TRIM24: variants seen among roughly 807,000 people sequenced by gnomAD.
The protein encoded by TRIM24 is tripartite motif containing 24.
Under a neutral mutation model 123.9 loss-of-function variants are expected in TRIM24, and 29 were observed. The observed-to-expected ratio is 0.23, with a 90% CI of 0.17 to 0.32. The LOEUF is 0.32. Ranked by LOEUF, TRIM24 falls within the 10% of genes least tolerant of loss-of-function variation. The probability of loss-of-function intolerance (pLI) is 1.00; values close to 1 mark genes in which losing one functional copy is unlikely to be tolerated. For synonymous variants in TRIM24, 456 were observed against 461.1 expected (o/e 0.99, Z 0.14); for missense variants, 932 against 1,295.3 (o/e 0.72, Z 4.31).
intron 1 of TRIM24, among the ~76,000 whole-genome samples, chr7:138,483,963 T>A (rs1326047072): frequency 1.1e-4 from 17 of 152,128 alleles, no homozygotes; most frequent in Admixed American, 1.1e-3. Context: ...GAACTTGTGG[T>A]TAGGCTGTTC....
chr7:138,494,890 G>A (rs1795868852), intron 1 of TRIM24, among the ~76,000 whole-genome samples: 1 of 152,042 alleles, frequency 6.6e-6, no homozygotes, highest in Non-Finnish European at 1.5e-5. Context: ...TATTCATTGA[G>A]TCATCATTGT....
At chr7:138,517,518 C>G (rs1435114193) in intron 3 of TRIM24, among the ~76,000 whole-genome samples, 1 of 151,962 alleles carries the variant, frequency 6.6e-6, no homozygotes, top group East Asian at 1.9e-4. Context: ...TTATGTAATC[C>G]CTGTACCACC....
chr7:138,540,831 A>G (rs993242102), intron 7 of TRIM24, among the ~76,000 whole-genome samples: 4 of 152,088 alleles, frequency 2.6e-5, no homozygotes, highest in African/African-American at 9.7e-5. Flanking sequence ...TACTAGCCTT[A>G]TGTAACGTAT....
At chr7:138,581,619 T>C (rs371596803) in intron 16 of TRIM24, 78 bp from the exon 17 acceptor site, 13 of 1,279,790 alleles carry the variant, frequency 1.0e-5, no homozygotes, top group East Asian at 9.7e-5. Context: ...TTGGGACCTC[T>C]GAGATTGTTA....
Position 138,577,565 on chromosome 7 carries a change from G to A in TRIM24, c.2233G>A (p.Asp745Asn). Residue 745 changes from aspartate (D) to asparagine (N), a missense_variant, in exon 14 of 19, where the codon GAT (aspartate) becomes AAT (asparagine). Asp to Asn is a conservative substitution (Grantham distance 23). This residue lies in a region of TRIM24 where 527 missense variants were observed against 691.3 expected (regional missense o/e 0.76). Coordinates refer to ENST00000343526, the MANE Select transcript of TRIM24 (RefSeq NM_015905.3). ...FPVVIVKQES[D>N]EESRPQNANY... Reference sequence around the variant, plus strand: ...TGTTGTTATAGTGAAGCAAGAATCAGATGAAGAATCTAGGCCTCAAAATGT... The same window carrying A: ...TGTTGTTATAGTGAAGCAAGAATCAAATGAAGAATCTAGGCCTCAAAATGT... 6 of 1,607,106 alleles carry A rather than the reference G, an allele frequency of 3.7e-6. No homozygotes were observed. The highest frequency in any genetic ancestry group is 5.1e-6 in the Non-Finnish European group (6 of 1,177,150).
At chr7:138,525,420 C>T in intron 5 of TRIM24, 63 bp downstream of exon 5, 2 of 954,418 alleles carry the variant, frequency 2.1e-6, no homozygotes, top group South Asian at 2.6e-5. Flanking sequence ...ACTTTTAGAA[C>T]ATTTTCCTTA....
intron 9 of TRIM24, among the ~76,000 whole-genome samples, chr7:138,557,351 C>T (rs1026322342): frequency 1.3e-5 from 2 of 152,158 alleles, no homozygotes; most frequent in African/African-American, 4.8e-5. Context: ...TCACTTAATT[C>T]TTCATGAAAA....
chr7:138,537,365 C>T (rs116296141), intron 6 of TRIM24, among the ~76,000 whole-genome samples: 1,707 of 148,700 alleles, frequency 0.011, 23 homozygotes, highest in South Asian at 0.044. Flanking sequence ...ACCACTCCTC[C>T]GCCACCCCTG....
intron 1 of TRIM24, among the ~76,000 whole-genome samples, chr7:138,465,385 A>G (rs924316202): frequency 2.4e-4 from 37 of 152,366 alleles, no homozygotes; most frequent in African/African-American, 8.9e-4. Flanking sequence ...GAGAAATGTT[A>G]TAATATTGTG....
At chr7:138,462,637 G>A (rs528070308) in intron 1 of TRIM24, among the ~76,000 whole-genome samples, 1 of 152,226 alleles carries the variant, frequency 6.6e-6, no homozygotes, top group African/African-American at 2.4e-5. Context: ...ACCGCGCCCG[G>A]CCAAAAATCT....
At chr7:138,519,732 A>AT (rs989560839) in intron 4 of TRIM24, among the ~76,000 whole-genome samples, 11 of 152,160 alleles carry the variant, frequency 7.2e-5, no homozygotes, top group African/African-American at 2.7e-4. Context: ...GAGATTTTAC[A>AT]TTTTTTAAAT....
At position 138,497,393 on chromosome 7, in the gene TRIM24, C is replaced by CTTTT. The variant is rs869232002; in HGVS notation, c.365-6875_365-6872dup. On this transcript the variant is annotated intron_variant, in intron 1 of 18. Coordinates refer to ENST00000343526, the MANE Select transcript of TRIM24 (RefSeq NM_015905.3). ...GATGGGAAGGTTTCAATTACAATTT[C>CTTTT]TTTTTTTTTTTTTTTTTTTTTTTTT... Among the ~76,000 whole-genome samples the CTTTT allele has an allele frequency of 9.3e-4, 82 of 88,302 alleles. 1 individual carries two copies. The highest frequency in any genetic ancestry group is 1.7e-3 in the African/African-American group (37 of 21,726). The allele number at this position is 88,302 out of a possible 152,430, so 57.9% of individuals were successfully genotyped here.
intron 9 of TRIM24, among the ~76,000 whole-genome samples, chr7:138,565,219 T>A (rs545640675): frequency 2.4e-4 from 37 of 152,248 alleles, no homozygotes; most frequent in African/African-American, 7.9e-4. Context: ...CAACTGACTC[T>A]GCAAGCCACT....
chr7:138,550,301 G>T (rs1797183610), intron 7 of TRIM24, among the ~76,000 whole-genome samples: 2 of 147,016 alleles, frequency 1.4e-5, no homozygotes, highest in African/African-American at 5.0e-5. Context: ...AATTGAGTGA[G>T]AGAAAGAGGA....
intron 5 of TRIM24, among the ~76,000 whole-genome samples, chr7:138,526,745 T>C (rs1796618817): frequency 6.6e-6 from 1 of 152,194 alleles, no homozygotes; most frequent in Non-Finnish European, 1.5e-5. Flanking sequence ...CAACTATAGT[T>C]AATGAAATAC....
Position 138,504,444 on chromosome 7 carries a change from G to GTTT in TRIM24, c.483+36_483+37insTTT, listed in dbSNP as rs1563036659. 1.9e-5 allele frequency: 12 copies of GTTT among 624,946 alleles called. 1 individual carries two copies. The highest frequency in any genetic ancestry group is 1.1e-4 in the South Asian group (3 of 28,414). The allele number at this position is 624,946 out of a possible 1,614,324, so 38.7% of individuals were successfully genotyped here. ...TACATCTTGAACCTTTTGCCTGCCA[G>GTTT]CTCTTTTTTTTTTTTTTTTTTTTTT... On this transcript the variant is annotated intron_variant, in intron 2 of 18. Transcript: ENST00000343526.
chr7:138,544,836 C>T (rs1414174902), intron 7 of TRIM24, among the ~76,000 whole-genome samples: 2 of 152,172 alleles, frequency 1.3e-5, no homozygotes, highest in Admixed American at 1.3e-4. Flanking sequence ...TAAATTCAAA[C>T]TCTTTGCCCA....
rs759277197 is a variant in TRIM24 at position 138,573,619 on chromosome 7, C to T, written c.1991C>T (p.Ser664Leu). 2.5e-6 allele frequency: 4 copies of T among 1,613,580 alleles called. No individual in the cohort carries two copies. The East Asian group carries it at 6.7e-5, about 27-fold the overall frequency. Residue 664 changes from serine (S) to leucine (L), a missense_variant, in exon 12 of 19, where the codon TCA becomes TTA. This residue lies in a region of TRIM24 where 527 missense variants were observed against 691.3 expected (regional missense o/e 0.76). Transcript: ENST00000343526. ...AGAACGGTCCAGTCACCAAATTCAT[C>T]AGTGCCATCTCCAGGCCTTGCAGGT... The part of the protein sequence containing the change: ...SNRTVQSPNS[S>L]VPSPGLAGPV...
chr7:138,565,158 C>A (rs554210635), intron 9 of TRIM24, among the ~76,000 whole-genome samples: 1 of 152,098 alleles, frequency 6.6e-6, no homozygotes, highest in Non-Finnish European at 1.5e-5. Flanking sequence ...CTCCTGGAAC[C>A]GCCTCTTTCA....
Sources: allele counts gnomAD v4.1 joint callset (sites outside exome capture counted in the v4.1 genomes callset), GRCh38; gene constraint gnomAD v4.1.1; regional missense constraint gnomAD v4.1.1; transcripts MANE v1.5; gene names NCBI Gene and HGNC (gene_info 2026-07-23, HGNC 2026-07-21).